Variants in MAPK10 observed in about 807,000 individuals in gnomAD.
The protein encoded by MAPK10 is JNK3 alpha protein kinase.
Under a neutral mutation model 59.3 loss-of-function variants are expected in MAPK10, and 25 were observed. The observed-to-expected ratio is 0.42, with a 90% CI of 0.31 to 0.59. The LOEUF (loss-of-function observed/expected upper bound fraction) is 0.59, where lower values mean the gene tolerates loss of function less well. MAPK10 is among the 20% of genes least tolerant of loss of function. The probability of loss-of-function intolerance (pLI) is 0.15; values close to 1 mark genes in which losing one functional copy is unlikely to be tolerated. For missense variants in MAPK10, 351 were observed against 568.9 expected (o/e 0.62, Z 3.90); for synonymous variants, 190 against 200.5 (o/e 0.95, Z 0.44).
At chr4:86,482,794 T>C (rs1753705078) in intron 1 of MAPK10, among the ~76,000 whole-genome samples, 1 of 152,200 alleles carries the variant, frequency 6.6e-6, no homozygotes, top group Non-Finnish European at 1.5e-5. Flanking sequence ...TCTAGCACTC[T>C]AGGTTATGGC....
chr4:86,547,470 G>A (rs566481122), intron 1 of MAPK10, among the ~76,000 whole-genome samples: 51 of 152,320 alleles, frequency 3.3e-4, no homozygotes, highest in Middle Eastern at 6.8e-3. Flanking sequence ...AAAATTTCTC[G>A]CCGGGCCTTA....
At chr4:86,409,840 T>G (rs549183599) in intron 1 of MAPK10, among the ~76,000 whole-genome samples, 39 of 152,346 alleles carry the variant, frequency 2.6e-4, no homozygotes, top group Middle Eastern at 6.8e-3. Context: ...AATTATGTCA[T>G]CTGAAAACAG....
intron 11 of MAPK10, 128 bp from the exon 12 acceptor site, chr4:86,031,559 T>G (rs2039026662): frequency 1.6e-6 from 1 of 632,344 alleles, no homozygotes; most frequent in African/African-American, 1.9e-5. Context: ...TATGAGGAAA[T>G]TACAGTAGTT....
chr4:86,566,664 G>T (rs748938373), intron 1 of MAPK10, among the ~76,000 whole-genome samples: 1 of 151,868 alleles, frequency 6.6e-6, no homozygotes, highest in Non-Finnish European at 1.5e-5. Context: ...GCAGTGAGCC[G>T]ACACAGTACC....
At chr4:86,036,248 A>G (rs1228847550) in intron 11 of MAPK10, among the ~76,000 whole-genome samples, 3 of 152,174 alleles carry the variant, frequency 2.0e-5, no homozygotes, top group Non-Finnish European at 4.4e-5. Flanking sequence ...ACCCCCAGAA[A>G]GATCCAGATA....
At chr4:86,464,945 TA>T (rs1436453740) in intron 1 of MAPK10, among the ~76,000 whole-genome samples, 1 of 152,368 alleles carries the variant, frequency 6.6e-6, no homozygotes, top group African/African-American at 2.4e-5. Context: ...TATCTAATGC[TA>T]GACACTTTCA....
intron 3 of MAPK10, 63 bp downstream of exon 3, chr4:86,194,273 T>C (rs2080742304): frequency 2.5e-6 from 3 of 1,204,146 alleles, no homozygotes; most frequent in Non-Finnish European, 3.7e-6. Flanking sequence ...ATGCAAATGG[T>C]ATGTCAAAGT....
At chr4:86,553,909 T>A (rs1414333152) in intron 1 of MAPK10, among the ~76,000 whole-genome samples, 2 of 150,744 alleles carry the variant, frequency 1.3e-5, no homozygotes, top group African/African-American at 2.4e-5. Context: ...TTTTTTAGAA[T>A]TTTTTTTTAT....
At chr4:86,344,489 T>G (rs1231708106) in intron 2 of MAPK10, among the ~76,000 whole-genome samples, 1 of 151,154 alleles carries the variant, frequency 6.6e-6, no homozygotes, top group Admixed American at 6.6e-5. Context: ...TCTCCCCACC[T>G]CCAAAGCCCC....
At chr4:86,207,862 G>T (rs949008667) in intron 2 of MAPK10, among the ~76,000 whole-genome samples, 1 of 151,618 alleles carries the variant, frequency 6.6e-6, no homozygotes, top group Admixed American at 6.6e-5. Flanking sequence ...TGTTATTCGT[G>T]TATAAGAATG....
At chr4:86,298,853 A>AGTG (rs2095417361) in intron 2 of MAPK10, among the ~76,000 whole-genome samples, 15 of 152,246 alleles carry the variant, frequency 9.9e-5, no homozygotes, top group Non-Finnish European at 1.6e-4. Flanking sequence ...GTTTTGATTC[A>AGTG]GTTCTCTGTA....
At chr4:86,038,460 T>C (rs76063305) in intron 11 of MAPK10, among the ~76,000 whole-genome samples, 5,949 of 152,248 alleles carry the variant, frequency 0.039, 379 homozygotes, top group African/African-American at 0.14. Context: ...GGGTATATCT[T>C]AGTACAAAAT....
upstream of MAPK10, among the ~76,000 whole-genome samples, chr4:86,361,146 T>C (rs893145224): frequency 6.6e-6 from 1 of 152,198 alleles, no homozygotes; most frequent in Admixed American, 6.5e-5. Context: ...ATGCAAGAGA[T>C]GCAAACTCAG....
At chr4:86,458,756 C>T (rs1355945245) in intron 1 of MAPK10, among the ~76,000 whole-genome samples, 3 of 152,156 alleles carry the variant, frequency 2.0e-5, no homozygotes, top group African/African-American at 7.2e-5. Context: ...TCACCTTATA[C>T]AAAAATCAAC....
At chr4:86,428,272 T>C (rs988745002) in intron 1 of MAPK10, among the ~76,000 whole-genome samples, 7 of 152,074 alleles carry the variant, frequency 4.6e-5, no homozygotes, top group Non-Finnish European at 1.0e-4. Context: ...GCTTCTCCAG[T>C]AGCTGGGACC....
intron 4 of MAPK10, among the ~76,000 whole-genome samples, chr4:86,134,712 C>A (rs1025370024): frequency 6.6e-6 from 1 of 152,210 alleles, no homozygotes. Flanking sequence ...CAGCTCCAGT[C>A]TACAGCTCCC....
At chr4:86,315,716 G>A (rs930169600) in intron 2 of MAPK10, among the ~76,000 whole-genome samples, 1 of 151,960 alleles carries the variant, frequency 6.6e-6, no homozygotes, top group Non-Finnish European at 1.5e-5. Context: ...GTATGTACAG[G>A]GTTGCTTTCT....
intron 2 of MAPK10, among the ~76,000 whole-genome samples, chr4:86,282,665 A>G (rs1027366854): frequency 2.0e-5 from 3 of 152,174 alleles, no homozygotes; most frequent in African/African-American, 7.2e-5. Context: ...GGACACTTGA[A>G]GTTTTAAATG....
intron 3 of MAPK10, among the ~76,000 whole-genome samples, chr4:86,185,916 T>C (rs1297202961): frequency 9.1e-6 from 1 of 110,224 alleles, no homozygotes; most frequent in Non-Finnish European, 2.0e-5. Context: ...CTATTTGACA[T>C]CTAAGTGGAG....
Sources: gnomAD v4.1 joint callset for allele counts (sites outside exome capture counted in the v4.1 genomes callset) on GRCh38, gnomAD v4.1.1 for gene constraint, MANE v1.5 for transcripts, NCBI Gene and HGNC (gene_info 2026-07-23, HGNC 2026-07-21) for gene names.